LRRC7: variants seen among roughly 807,000 people sequenced by gnomAD.
LRRC7 encodes the protein leucine rich repeat containing 7, also known as leucine-rich repeat-containing protein 7.
In LRRC7, 23 loss-of-function variants were observed where a neutral mutation model predicts 175.7. That is an observed-to-expected ratio of 0.13 (90% CI 0.09 to 0.19). The LOEUF is 0.19. Among genes scored for constraint, LRRC7 ranks in the 10% least tolerant of loss-of-function variants. The pLI is 1.00. For synonymous variants in LRRC7, 685 were observed against 680.9 expected (o/e 1.01, Z -0.09); for missense variants, 1,354 against 1,904.7 (o/e 0.71, Z 5.38).
chr1:69,829,814 A>G (rs1380158447), intron 5 of LRRC7, among the ~76,000 whole-genome samples: 1 of 151,794 alleles, frequency 6.6e-6, no homozygotes, highest in African/African-American at 2.4e-5. Context: ...GCAACTTATG[A>G]TTGTCATCTT....
At chr1:69,905,747 G>A (rs1341654512) in intron 7 of LRRC7, among the ~76,000 whole-genome samples, 1 of 152,126 alleles carries the variant, frequency 6.6e-6, no homozygotes, top group African/African-American at 2.4e-5. Context: ...TAGCAGCATG[G>A]TTTATAGTCC....
At chr1:69,768,988 A>G (rs906643796) in intron 3 of LRRC7, among the ~76,000 whole-genome samples, 2 of 152,210 alleles carry the variant, frequency 1.3e-5, no homozygotes, top group African/African-American at 4.8e-5. Flanking sequence ...GTTTTCTAAA[A>G]TTCTTTCCAA....
intron 2 of LRRC7, among the ~76,000 whole-genome samples, chr1:69,727,723 G>A (rs975575797): frequency 6.6e-6 from 1 of 152,186 alleles, no homozygotes; most frequent in African/African-American, 2.4e-5. Context: ...GGCTCAGAGT[G>A]TATTGAAGAG....
At chr1:69,633,673 C>T (rs538339388) in intron 1 of LRRC7, among the ~76,000 whole-genome samples, 1 of 152,202 alleles carries the variant, frequency 6.6e-6, no homozygotes, top group Non-Finnish European at 1.5e-5. Flanking sequence ...AAGTGATTTG[C>T]CCACCTCTGC....
At chr1:69,737,347 CT>C (rs1235343053) in intron 2 of LRRC7, among the ~76,000 whole-genome samples, 6 of 152,114 alleles carry the variant, frequency 3.9e-5, no homozygotes, top group African/African-American at 1.4e-4. Flanking sequence ...CACAGGCTTT[CT>C]TGCCTGCCAC....
intron 26 of LRRC7, among the ~76,000 whole-genome samples, chr1:70,115,387 A>G (rs1665783902): frequency 6.6e-6 from 1 of 152,132 alleles, no homozygotes; most frequent in Non-Finnish European, 1.5e-5. Flanking sequence ...ATACTTGGGT[A>G]TACAAGTATG....
intron 7 of LRRC7, among the ~76,000 whole-genome samples, chr1:69,893,983 A>T (rs1308374774): frequency 6.6e-6 from 1 of 152,230 alleles, no homozygotes; most frequent in Non-Finnish European, 1.5e-5. Context: ...GAATGTCAAG[A>T]CATGAGGTTT....
At chr1:69,874,059 T>G (rs1339986900) in intron 7 of LRRC7, 1 of 152,160 alleles carries the variant, frequency 6.6e-6, no homozygotes, top group African/African-American at 2.4e-5. Context: ...GTGGACTTAT[T>G]TTGCAAAGTT....
intron 2 of LRRC7, among the ~76,000 whole-genome samples, chr1:69,726,951 G>A (rs1176367464): frequency 1.3e-5 from 2 of 152,148 alleles, no homozygotes; most frequent in Non-Finnish European, 2.9e-5. Flanking sequence ...CTTGGAAACA[G>A]ACTCCAAGGT....
At chr1:69,597,107 A>T (rs1646873815) in intron 1 of LRRC7, among the ~76,000 whole-genome samples, 1 of 152,244 alleles carries the variant, frequency 6.6e-6, no homozygotes, top group African/African-American at 2.4e-5. Context: ...AGCAGTAATC[A>T]AATGAATGCT....
chr1:69,958,700 G>A (rs912442602), intron 8 of LRRC7, among the ~76,000 whole-genome samples: 3 of 151,980 alleles, frequency 2.0e-5, no homozygotes, highest in African/African-American at 7.2e-5. Flanking sequence ...GTTAATGGGA[G>A]AAAACTACTG....
At chr1:69,925,224 C>G (rs192801316) in intron 7 of LRRC7, among the ~76,000 whole-genome samples, 215 of 152,154 alleles carry the variant, frequency 1.4e-3, no homozygotes, top group Non-Finnish European at 1.7e-3. Flanking sequence ...GAGGATTTTT[C>G]CATCAATGTT....
chr1:69,594,337 C>A (rs1646755782), intron 1 of LRRC7, among the ~76,000 whole-genome samples: 2 of 152,054 alleles, frequency 1.3e-5, no homozygotes, highest in African/African-American at 4.8e-5. Context: ...TTTATATGTA[C>A]CATTAATTTA....
chr1:69,718,875 T>A (rs1243173234), intron 2 of LRRC7, among the ~76,000 whole-genome samples: 1 of 151,792 alleles, frequency 6.6e-6, no homozygotes, highest in East Asian at 1.9e-4. Context: ...TTGCAATTAG[T>A]CAGTAATTGG....
intron 1 of LRRC7, among the ~76,000 whole-genome samples, chr1:69,672,097 G>A (rs191805402): frequency 1.2e-4 from 19 of 152,282 alleles, no homozygotes; most frequent in Non-Finnish European, 2.4e-4. Flanking sequence ...CCATGTTGGT[G>A]TGCTGCACCC....
In LRRC7 at chr1:69,919,668, C is replaced by T; in HGVS notation, c.648-11839C>T. ...GGAGAGAAGGACTTTGAGTCTCCGG[C>T]CTCACAATTCAGCGACTGCAGCTCG... On this transcript the variant is annotated intron_variant, in intron 7 of 26. Transcript: ENST00000651989. 6 of 942,390 alleles carry T rather than the reference C, an allele frequency of 6.4e-6. No individual in the cohort carries two copies. The South Asian group carries it at 8.2e-5, about 13-fold the overall frequency. The allele number at this position is 942,390 out of a possible 1,614,324, so 58.4% of individuals were successfully genotyped here.
intron 1 of LRRC7, among the ~76,000 whole-genome samples, chr1:69,630,734 C>T (rs1414122947): frequency 6.6e-6 from 1 of 151,626 alleles, no homozygotes; most frequent in Non-Finnish European, 1.5e-5. Flanking sequence ...TTTCTTGGAG[C>T]CATTTGTGAA....
intron 7 of LRRC7, among the ~76,000 whole-genome samples, chr1:69,888,783 A>G (rs1177815946): frequency 2.6e-5 from 4 of 152,192 alleles, no homozygotes; most frequent in African/African-American, 9.6e-5. Flanking sequence ...GGGGTAGGGA[A>G]GATGGGGAGA....
intron 7 of LRRC7, among the ~76,000 whole-genome samples, chr1:69,876,846 A>G (rs1221970419): frequency 2.6e-5 from 4 of 152,168 alleles, no homozygotes; most frequent in Non-Finnish European, 5.9e-5. Context: ...TTAAGGTCTG[A>G]TAAGGAACAG....
Sources: gnomAD v4.1 joint callset for allele counts (sites outside exome capture counted in the v4.1 genomes callset) on GRCh38, gnomAD v4.1.1 for gene constraint, MANE v1.5 for transcripts, NCBI Gene and HGNC (gene_info 2026-07-23, HGNC 2026-07-21) for gene names.